The following P2RX5 variants were observed in gnomAD, a reference collection of about 807,000 sequenced individuals.
P2RX5 encodes the protein purinergic receptor P2X 5.
Under a neutral mutation model 54.1 loss-of-function variants are expected in P2RX5, and 46 were observed. That is an observed-to-expected ratio of 0.85 (90% confidence interval 0.67 to 1.09). The LOEUF is 1.09. Ranked by LOEUF, P2RX5 falls within the 50% of genes least tolerant of loss-of-function variation. P2RX5 has a pLI of 0.00. For synonymous variants in P2RX5, 226 were observed against 226.4 expected (o/e 1.00, Z 0.02); for missense variants, 566 against 549.8 (o/e 1.03, Z -0.29).
chr17:3,674,170 C>T (rs370444380), intron 11 of P2RX5, among the ~76,000 whole-genome samples: 1 of 152,060 alleles, frequency 6.6e-6, no homozygotes, highest in Admixed American at 6.6e-5. Flanking sequence ...AAAAATTAGC[C>T]GGGCGAGGCG....
rs1380224157 is a variant in P2RX5, at chr17:3,685,678, ACG to A, written c.981+2332_981+2333del. 29 of 22,584 alleles carry A rather than the reference ACG, an allele frequency of 1.3e-3. 1 individual carries two copies. Among genetic ancestry groups the A allele is most frequent in the African/African-American group, 1.9e-3 (29 of 15,468 alleles). The allele number at this position is 22,584 out of a possible 1,614,324, so 1.4% of individuals were successfully genotyped here. A position where few individuals can be genotyped will look rare whatever the true frequency, so the allele number is the denominator to read the frequency against. Reference sequence around the variant, plus strand: ...CCCCTCCCAGCCTGAGAACAGGAGAACGCACAGCGGGGCCCCCAGGGACCCTC... The same window carrying A: ...CCCCTCCCAGCCTGAGAACAGGAGAACACAGCGGGGCCCCCAGGGACCCTC... On this transcript the variant is annotated intron_variant, in intron 9 of 11. Transcript: ENST00000225328.
At chr17:3,712,608 G>T in the P2RX5 span, among the ~76,000 whole-genome samples, 2 of 152,288 alleles carry the variant, frequency 1.3e-5, no homozygotes, top group Admixed American at 1.3e-4. Context: ...AAATAAAATT[G>T]TCTCCTTAGA....
At chr17:3,695,734 A>T in intron 1 of P2RX5, 135 bp downstream of exon 1, 1 of 1,048,708 alleles carries the variant, frequency 9.5e-7, no homozygotes, top group Non-Finnish European at 1.5e-6. Context: ...CCCCACAGCA[A>T]GCAGGCTCAC....
chr17:3,703,852 G>A, the P2RX5 span, among the ~76,000 whole-genome samples: 1 of 152,210 alleles, frequency 6.6e-6, no homozygotes, highest in Non-Finnish European at 1.5e-5. Flanking sequence ...TGTAATCCCA[G>A]CACTTTGGGA....
chr17:3,684,834 CCTTTTT>C (rs2050390835), intron 9 of P2RX5, among the ~76,000 whole-genome samples: 1 of 122,882 alleles, frequency 8.1e-6, no homozygotes, highest in Admixed American at 1.1e-4. Context: ...AATCCTGCCC[CCTTTTT>C]TTTTTTTTTT....
intron 1 of P2RX5, among the ~76,000 whole-genome samples, chr17:3,694,616 C>A (rs571859346): frequency 1.3e-5 from 2 of 152,222 alleles, no homozygotes; most frequent in Non-Finnish European, 2.9e-5. Context: ...GAGAGCCCCC[C>A]CTGAGACCCC....
intron 7 of P2RX5, among the ~76,000 whole-genome samples, chr17:3,689,223 G>A (rs1471688748): frequency 4.0e-5 from 6 of 150,072 alleles, no homozygotes; most frequent in East Asian, 2.0e-4. Flanking sequence ...GGCCACCCTC[G>A]CCCGCTGCCA....
chr17:3,697,372 AC>A (rs1203693197), upstream of P2RX5, among the ~76,000 whole-genome samples: 1 of 152,130 alleles, frequency 6.6e-6, no homozygotes, highest in Non-Finnish European at 1.5e-5. Flanking sequence ...AGAACTCCTG[AC>A]AGCCAAAGAC....
upstream of P2RX5, among the ~76,000 whole-genome samples, chr17:3,698,103 G>T (rs1385941687): frequency 6.6e-6 from 1 of 151,588 alleles, no homozygotes; most frequent in Non-Finnish European, 1.5e-5. Context: ...TCATGACTGC[G>T]AATTTTAGGG....
At chr17:3,673,929 C>T (rs2050039109) in intron 11 of P2RX5, 52 bp from the exon 12 acceptor site, 2 of 1,520,924 alleles carry the variant, frequency 1.3e-6, no homozygotes, top group Non-Finnish European at 1.8e-6. Flanking sequence ...CTCTCATCTT[C>T]CCAGTGAGGC....
At chr17:3,716,543 G>A in the P2RX5 span, 2 of 640,590 alleles carry the variant, frequency 3.1e-6, no homozygotes, top group South Asian at 3.8e-5. Context: ...TTGTCTAAAT[G>A]GGGGTGTGCA....
rs768497372 is a variant in P2RX5 at position 3,696,042 on chromosome 17, C to A, written c.-37G>T. 1.2e-5 allele frequency: 20 copies of A among 1,610,172 alleles called. No homozygotes were observed. Among genetic ancestry groups the A allele is most frequent in the South Asian group, 2.2e-5 (2 of 90,950 alleles). On this transcript the variant is annotated 5_prime_UTR_variant, in exon 1 of 12. Transcript: ENST00000225328. Reference sequence around the variant, plus strand: ...AGCCGGGCTTGCGGACCGCCCGGCCCACGTGCGCTCATGGGGAGCACTCGG... The same window carrying A: ...AGCCGGGCTTGCGGACCGCCCGGCCAACGTGCGCTCATGGGGAGCACTCGG...
At chr17:3,702,279 A>G in the P2RX5 span, among the ~76,000 whole-genome samples, 4 of 142,942 alleles carry the variant, frequency 2.8e-5, no homozygotes, top group Non-Finnish European at 6.3e-5. Flanking sequence ...AGCCCTCTGT[A>G]AAAGCGCACC....
the P2RX5 span, among the ~76,000 whole-genome samples, chr17:3,710,427 A>T: frequency 6.6e-6 from 1 of 151,674 alleles, no homozygotes; most frequent in Non-Finnish European, 1.5e-5. Flanking sequence ...ACTCTATCTC[A>T]AATAAATAAA....
At chr17:3,692,082 A>T in intron 1 of P2RX5, 1 of 435,186 alleles carries the variant, frequency 2.3e-6, no homozygotes, top group Admixed American at 3.5e-5. Flanking sequence ...AGGCAGGCAG[A>T]TCGCAAGGTC....
the P2RX5 span, among the ~76,000 whole-genome samples, chr17:3,704,254 T>G: frequency 1.3e-5 from 2 of 152,154 alleles, no homozygotes; most frequent in Non-Finnish European, 2.9e-5. Flanking sequence ...AGGAGGAGAT[T>G]TGAATCTCTC....
At chr17:3,713,166 G>A in the P2RX5 span, among the ~76,000 whole-genome samples, 2 of 151,926 alleles carry the variant, frequency 1.3e-5, no homozygotes. Context: ...AAATCAGCTT[G>A]GTCAACATAG....
upstream of P2RX5, among the ~76,000 whole-genome samples, chr17:3,699,909 GGAAGGAAGGAAAGAAA>G (rs2050805656): frequency 1.0e-4 from 4 of 38,316 alleles, no homozygotes; most frequent in Admixed American, 2.3e-4. Context: ...AAGGAAGGAA[GGAAGGAAGGAAAGAAA>G]GAAAGAAAGA....
At chr17:3,708,538 A>G in the P2RX5 span, among the ~76,000 whole-genome samples, 1 of 152,208 alleles carries the variant, frequency 6.6e-6, no homozygotes, top group Non-Finnish European at 1.5e-5. Flanking sequence ...AACTATAATT[A>G]TATACCCATT....
Sources: allele counts gnomAD v4.1 joint callset (sites outside exome capture counted in the v4.1 genomes callset), GRCh38; gene constraint gnomAD v4.1.1; transcripts MANE v1.5; gene names NCBI Gene and HGNC (gene_info 2026-07-23, HGNC 2026-07-21).